TRIM28: variants seen among roughly 807,000 people sequenced by gnomAD.
TRIM28 encodes the protein transcription intermediary factor 1-beta.
In TRIM28, 8 loss-of-function variants were observed where a neutral mutation model predicts 87.4. The observed-to-expected ratio is 0.09, with a 90% CI of 0.05 to 0.17. TRIM28 has a LOEUF of 0.17. TRIM28 is among the 10% of genes least tolerant of loss of function. The probability of loss-of-function intolerance (pLI) is 1.00; values close to 1 mark genes in which losing one functional copy is unlikely to be tolerated. For missense variants in TRIM28, 968 were observed against 1,131.8 expected, an observed-to-expected ratio of 0.86 and a Z score of 2.08; for synonymous variants, 601 against 454.3, an observed-to-expected ratio of 1.32 and a Z score of -4.11.
Position 58,548,867 on chromosome 19 carries a change from G to A in TRIM28, c.1366G>A (p.Asp456Asn), listed in dbSNP as rs750358298. 1 of 1,614,094 alleles carries A rather than the reference G, an allele frequency of 6.2e-7. No homozygotes were observed. The highest frequency in any genetic ancestry group is 8.5e-7 in the Non-Finnish European group (1 of 1,179,996). Residue 456 changes from aspartate to asparagine, a missense_variant, in exon 11 of 17, where the codon GAT (aspartate) becomes AAT (asparagine). Coordinates refer to ENST00000253024, the MANE Select transcript of TRIM28 (RefSeq NM_005762.3). ...TTCTTTCTCCATTTTCTAAGGAGATGATCCCTACTCAAGTGCAGAGCCCCA... is the reference window on the plus strand; with the variant it reads ...TTCTTTCTCCATTTTCTAAGGAGATAATCCCTACTCAAGTGCAGAGCCCCA... ...QEGYGFGSGD[D>N]PYSSAEPHVS... is the part of the protein sequence containing the mutation.
rs2053793308 is a variant in TRIM28, at chr19:58,549,406, G to T, written c.1738G>T (p.Ala580Ser). 6.3e-7 allele frequency: 1 copy of T among 1,595,816 alleles called. No individual in the cohort carries two copies. The highest frequency in any genetic ancestry group is 8.6e-7 in the Non-Finnish European group (1 of 1,167,538). ...CCCTGAGACCAAACCTGTGCTTATG[G>T]CTCTTGCGGAGGGTCCTGGTGCTGA... The part of the protein sequence containing the change: ...EGPETKPVLM[A>S]LAEGPGAEGP... Residue 580 changes from alanine to serine, a missense_variant, in exon 13 of 17, where the codon GCT becomes TCT. Coordinates refer to ENST00000253024, the MANE Select transcript of TRIM28 (RefSeq NM_005762.3). This position sits in a 1 kb window ranked among gnomAD's most constrained non-coding sequence, Gnocchi z 4.4.
Position 58,547,642 on chromosome 19 carries a change from G to A in TRIM28, c.768G>A (p.Leu256=), listed in dbSNP as rs940585125. 10 of 1,613,964 alleles carry A rather than the reference G, an allele frequency of 6.2e-6. No homozygotes were observed. The Admixed American group carries it at 1.7e-4, about 27-fold the overall frequency. The change falls in exon 5 of 17, where the codon CTG becomes CTA. Residue 256 remains leucine, a synonymous_variant. Transcript: ENST00000253024. ...CAGTGAGGAACCAGCGCAAGCTCCT[G>A]GCCTCACTGGTGAAGCGCCTTGGGG... ...EDAVRNQRKL[L]ASLVKRLGDK...
chr19:58,548,822 T>C, intron 10 of TRIM28, 40 bp from the exon 11 acceptor site: 2 of 1,614,076 alleles, frequency 1.2e-6, no homozygotes, highest in South Asian at 2.2e-5. Context: ...CAGTGCTGTT[T>C]CTACCCCAAC....
At position 58,550,053 on chromosome 19, in the gene TRIM28, A is replaced by G; in HGVS notation, c.2193+18A>G. On this transcript the variant is annotated intron_variant, in intron 15 of 16. Transcript: ENST00000253024. ...TCTCCCTGGTGAGTCCTAGGATGGG[A>G]AAGGGGAAGGGGGTGGTGGCTGCTG... 3.1e-6 allele frequency: 5 copies of G among 1,613,754 alleles called. No homozygotes were observed. Among genetic ancestry groups the G allele is most frequent in the Non-Finnish European group, 4.2e-6 (5 of 1,179,894 alleles).
chr19:58,546,161 CAG>C (rs1382462490), intron 3 of TRIM28, among the ~76,000 whole-genome samples: 8 of 152,084 alleles, frequency 5.3e-5, no homozygotes, highest in South Asian at 2.1e-4. Context: ...GAAGGCTTAT[CAG>C]GGAGTTGTCA....
rs1217449402 is a variant in TRIM28 at position 58,545,043 on chromosome 19, GC to G, written c.291del (p.Ala98ProfsTer81). The G allele has an allele frequency of 4.1e-6, 6 of 1,460,784 alleles. No individual in the cohort carries two copies. The highest frequency in any genetic ancestry group is 5.3e-5 in the East Asian group (2 of 37,492). 90.5% of individuals were successfully genotyped at this position (1,460,784 alleles called of 1,614,324 possible). A position where few individuals can be genotyped will look rare whatever the true frequency, so the allele number is the denominator to read the frequency against. On this transcript the variant is annotated frameshift_variant, in exon 1 of 17. Transcript: ENST00000253024. LOFTEE classifies it high-confidence loss of function. ...SACSACLGPAAPAAANSSGDG... is the reference protein window; with the variant it reads ...SACSACLGPAXPAAANSSGDG... Reference sequence around the variant, plus strand: ...CTGTAGTGCCTGCTTAGGGCCCGCGGCCCCCGCCGCCGCCAACAGCTCGGGG... The same window carrying G: ...CTGTAGTGCCTGCTTAGGGCCCGCGGCCCCGCCGCCGCCAACAGCTCGGGG...
At position 58,549,567 on chromosome 19, in the gene TRIM28, G is replaced by A. The variant is rs2053795202; in HGVS notation, c.1899G>A (p.Lys633=). Reference sequence around the variant, plus strand: ...CCACCATTTGCCGTGTCTGCCAGAAGCCAGGCGATCTGGTTATGTGCAACC... The same window carrying A: ...CCACCATTTGCCGTGTCTGCCAGAAACCAGGCGATCTGGTTATGTGCAACC... ...DSATICRVCQ[K]PGDLVMCNQC... Residue 633 remains lysine, a synonymous_variant, in exon 13 of 17, where the codon AAG becomes AAA. Transcript: ENST00000253024. This position sits in a 1 kb window ranked among gnomAD's most constrained non-coding sequence, Gnocchi z 4.4. The A allele has an allele frequency of 6.2e-7, 1 of 1,614,136 alleles. No homozygotes were observed. Among genetic ancestry groups the A allele is most frequent in the Non-Finnish European group, 8.5e-7 (1 of 1,180,010 alleles).
In TRIM28 at chr19:58,550,691, G is replaced by T. The variant is rs1264603354; in HGVS notation, c.*138G>T. 7 of 928,716 alleles carry T rather than the reference G, an allele frequency of 7.5e-6. No individual in the cohort carries two copies. In the Admixed American group the frequency reaches 1.2e-4, roughly 15 times the overall value. The allele number at this position is 928,716 out of a possible 1,614,324, so 57.5% of individuals were successfully genotyped here. On this transcript the variant is annotated 3_prime_UTR_variant, in exon 17 of 17. Transcript: ENST00000253024. ...CTCACGATATGGTTTTTACTTCTGTGGATTTAATAAAAACTTCACCAGTTC... is the reference window on the plus strand; with the variant it reads ...CTCACGATATGGTTTTTACTTCTGTTGATTTAATAAAAACTTCACCAGTTC...
At chr19:58,546,302 T>C (rs1437302470) in intron 3 of TRIM28, among the ~76,000 whole-genome samples, 1 of 152,136 alleles carries the variant, frequency 6.6e-6, no homozygotes, top group African/African-American at 2.4e-5. Flanking sequence ...TGTGGGTCCA[T>C]GGATTATAAG....
intron 8 of TRIM28, 36 bp from the exon 9 acceptor site, chr19:58,548,450 G>T (rs753517153): frequency 1.2e-6 from 2 of 1,613,868 alleles, no homozygotes; most frequent in African/African-American, 1.3e-5. Flanking sequence ...TACCCCACGT[G>T]CTGCACCTAC....
In TRIM28 at chr19:58,550,359, C is replaced by T; in HGVS notation, c.2332-18C>T. The T allele has an allele frequency of 1.2e-6, 2 of 1,613,054 alleles. No homozygotes were observed. Among genetic ancestry groups the T allele is most frequent in the Non-Finnish European group, 1.7e-6 (2 of 1,179,058 alleles). On this transcript the variant is annotated intron_variant, in intron 16 of 16. Transcript: ENST00000253024. ...AGAACTAGGACCCATTCATCCACTG[C>T]ATTCCTGCTTGGCCCAGGACAAGGC...
Position 58,547,364 on chromosome 19 carries a change from C to A in TRIM28, c.587-12C>A, listed in dbSNP as rs1185201719. ...AAGGGCAAGGTCCAGCCTTATGATTCCCACTCCCCAGGGCCAGCCAAGTCT... is the reference window on the plus strand; with the variant it reads ...AAGGGCAAGGTCCAGCCTTATGATTACCACTCCCCAGGGCCAGCCAAGTCT... On this transcript the variant is annotated splice_polypyrimidine_tract_variant and intron_variant, in intron 3 of 16. Transcript: ENST00000253024. 1 of 1,611,664 alleles carries A rather than the reference C, an allele frequency of 6.2e-7. No homozygotes were observed. Among genetic ancestry groups the A allele is most frequent in the Non-Finnish European group, 8.5e-7 (1 of 1,178,104 alleles).
rs912365285 is a variant in TRIM28 at position 58,545,048 on chromosome 19, C to T, written c.291C>T (p.Pro97=). 1 of 1,459,392 alleles carries T rather than the reference C, an allele frequency of 6.9e-7. No homozygotes were observed. The highest frequency in any genetic ancestry group is 1.5e-5 in the African/African-American group (1 of 68,032). 90.4% of individuals were successfully genotyped at this position (1,459,392 alleles called of 1,614,324 possible). The part of the protein sequence containing the change: ...ACSACLGPAA[P]AAANSSGDGG... ...GTGCCTGCTTAGGGCCCGCGGCCCC[C>T]GCCGCCGCCAACAGCTCGGGGGACG... The change falls in exon 1 of 17, where the codon CCC becomes CCT. Residue 97 remains proline, a synonymous_variant. Transcript: ENST00000253024.
chr19:58,548,970 A>C lies in TRIM28; in HGVS notation c.1410-18A>C, dbSNP rs200758980. ...TGGAGGGTGGGGGTGTACTCATGCC[A>C]GGTTGCTGCATCTACAGGTCCCGCT... On this transcript the variant is annotated intron_variant, in intron 11 of 16. Coordinates refer to ENST00000253024, the MANE Select transcript of TRIM28 (RefSeq NM_005762.3). 6.2e-7 allele frequency: 1 copy of C among 1,614,026 alleles called. No homozygotes were observed. Among genetic ancestry groups the C allele is most frequent in the East Asian group, 2.2e-5 (1 of 44,880 alleles).
intron 3 of TRIM28, among the ~76,000 whole-genome samples, chr19:58,546,694 A>G (rs1193514739): frequency 1.3e-5 from 2 of 152,100 alleles, no homozygotes; most frequent in South Asian, 2.1e-4. Context: ...GATGCTACAT[A>G]TTTTGGATTT....
Position 58,548,197 on chromosome 19 carries a change from T to A in TRIM28, c.1101+17T>A, listed in dbSNP as rs1381217118. ...AAGAAGTTGGTGTGTACTGGTGGGC[T>A]CCTGGCTGGTGGGTTCCAGGCAGGT... is the stretch of plus-strand genomic sequence containing the variant. On this transcript the variant is annotated intron_variant, in intron 7 of 16. Transcript: ENST00000253024. 3 of 1,613,718 alleles carry A rather than the reference T, an allele frequency of 1.9e-6. No homozygotes were observed. The East Asian group carries it at 6.7e-5, about 36-fold the overall frequency.
rs771131531 is a variant in TRIM28, at chr19:58,549,279, C to T, written c.1662+39C>T. ...AAGGAACTATAGCTGTAGGATGAAG[C>T]CTGTAGTCCAGGTCTGGACCCTGTT... On this transcript the variant is annotated intron_variant, in intron 12 of 16. Transcript: ENST00000253024. The surrounding 1 kb of genome is among the most constrained non-coding windows in gnomAD (Gnocchi z 4.4). 14 of 1,597,990 alleles carry T rather than the reference C, an allele frequency of 8.8e-6. No individual in the cohort carries two copies. In the East Asian group the frequency reaches 2.9e-4, roughly 33 times the overall value.
rs544005436 is a variant in TRIM28 at position 58,544,648 on chromosome 19, C to T, written c.-110C>T. 8.1e-6 allele frequency: 3 copies of T among 368,112 alleles called. No homozygotes were observed. Among genetic ancestry groups the T allele is most frequent in the Admixed American group, 6.7e-5 (1 of 14,992 alleles). 22.8% of individuals were successfully genotyped at this position (368,112 alleles called of 1,614,324 possible). On this transcript the variant is annotated 5_prime_UTR_variant, in exon 1 of 17. Transcript: ENST00000253024. Reference sequence around the variant, plus strand: ...GGAGGCGCGTGGCGGCGCTCGGCCTCGCGGCGGCGGCGGCGGCAGCGGCCC... The same window carrying T: ...GGAGGCGCGTGGCGGCGCTCGGCCTTGCGGCGGCGGCGGCGGCAGCGGCCC...
At position 58,544,862 on chromosome 19, in the gene TRIM28, C is replaced by A; in HGVS notation, c.105C>A (p.Ala35=). The A allele has an allele frequency of 7.6e-7, 1 of 1,307,686 alleles. No individual in the cohort carries two copies. Among genetic ancestry groups the A allele is most frequent in the Non-Finnish European group, 9.7e-7 (1 of 1,030,936 alleles). 81.0% of individuals were successfully genotyped at this position (1,307,686 alleles called of 1,614,324 possible). A position where few individuals can be genotyped will look rare whatever the true frequency, so the allele number is the denominator to read the frequency against. The stretch of plus-strand genomic sequence containing the variant: ...CTGGCGGCGAAAAGCGCTCCACCGC[C>A]CCTTCGGCCGCAGCCTCGGCCTCTG... The part of the protein sequence containing the change: ...GSAGGEKRST[A]PSAAASASAS... Residue 35 remains alanine (A), a synonymous_variant, in exon 1 of 17, where the codon GCC becomes GCA. Transcript: ENST00000253024.
Sources: gnomAD v4.1 joint callset for allele counts (sites outside exome capture counted in the v4.1 genomes callset) on GRCh38, gnomAD v4.1.1 for gene constraint, Gnocchi (gnomAD v3.1) non-coding constraint, MANE v1.5 for transcripts, NCBI Gene and HGNC (gene_info 2026-07-23, HGNC 2026-07-21) for gene names.